EYS: variants seen among roughly 807,000 people sequenced by gnomAD.
The protein encoded by EYS is protein eyes shut homolog.
EYS carries 250 observed loss-of-function variants against 282.1 expected under a neutral mutation model. The observed-to-expected ratio is 0.89, with a 90% confidence interval of 0.80 to 0.98. The LOEUF (loss-of-function observed/expected upper bound fraction) is 0.98, where lower values mean the gene tolerates loss of function less well. Ranked by LOEUF, EYS falls within the 50% of genes least tolerant of loss-of-function variation. The probability of loss-of-function intolerance (pLI) is 0.00; values close to 1 mark genes in which losing one functional copy is unlikely to be tolerated. For missense variants in EYS, 4,016 were observed against 3,709.0 expected (o/e 1.08, Z -2.15); for synonymous variants, 1,355 against 1,282.9 (o/e 1.06, Z -1.20).
At chr6:65,435,764 G>A (rs895801186) in intron 5 of EYS, among the ~76,000 whole-genome samples, 3 of 151,924 alleles carry the variant, frequency 2.0e-5, no homozygotes, top group African/African-American at 7.2e-5. Context: ...TTTTTACATA[G>A]GGCCTTTAAT....
In EYS at chr6:64,341,039, C is replaced by T. The variant is rs976481753; in HGVS notation, c.6079-33957G>A. Among the ~76,000 whole-genome samples the T allele has an allele frequency of 3.3e-5, 5 of 151,404 alleles. No homozygotes were observed. The East Asian group carries it at 7.8e-4, about 24-fold the overall frequency. ...ATACCAGCTCACACCATTCAGAATG[C>T]CAATTATAAAAAATCGAAAACAACA... On this transcript the variant is annotated intron_variant, in intron 29 of 42. Coordinates refer to ENST00000503581, the MANE Select transcript of EYS (RefSeq NM_001142800.2).
intron 12 of EYS, among the ~76,000 whole-genome samples, chr6:65,176,510 T>C (rs1765228909): frequency 6.6e-6 from 1 of 151,632 alleles, no homozygotes; most frequent in African/African-American, 2.4e-5. Flanking sequence ...AAAAAAACTA[T>C]AACAATAGTA....
intron 2 of EYS, among the ~76,000 whole-genome samples, chr6:65,612,048 C>A (rs771371636): frequency 8.6e-5 from 13 of 151,700 alleles, no homozygotes; most frequent in Non-Finnish European, 1.8e-4. Context: ...TTAACAATTT[C>A]ACTAGCAAAG....
At chr6:65,111,187 G>A (rs1022319661) in intron 12 of EYS, among the ~76,000 whole-genome samples, 26 of 151,896 alleles carry the variant, frequency 1.7e-4, no homozygotes, top group African/African-American at 2.2e-4. Flanking sequence ...TGAGTTTGGC[G>A]TATATATTAT....
chr6:64,675,821 TC>T (rs1205541840), intron 22 of EYS, among the ~76,000 whole-genome samples: 1 of 151,900 alleles, frequency 6.6e-6, no homozygotes, highest in East Asian at 2.0e-4. Context: ...CACTATGGTC[TC>T]TTAGAAAGTT....
intron 35 of EYS, among the ~76,000 whole-genome samples, chr6:63,868,112 CTGCATG>C (rs1476268440): frequency 6.6e-6 from 1 of 152,088 alleles, no homozygotes; most frequent in Non-Finnish European, 1.5e-5. Flanking sequence ...ATACAGTCTA[CTGCATG>C]TGCATTATGT....
At chr6:65,133,828 C>G (rs1386506026) in intron 12 of EYS, among the ~76,000 whole-genome samples, 1 of 151,866 alleles carries the variant, frequency 6.6e-6, no homozygotes, top group Admixed American at 6.6e-5. Context: ...ACAGGGTAAA[C>G]AGACAACCTA....
chr6:64,378,259 C>T (rs1437299438), intron 29 of EYS, among the ~76,000 whole-genome samples: 1 of 152,108 alleles, frequency 6.6e-6, no homozygotes, highest in Non-Finnish European at 1.5e-5. Context: ...ACAAGTTACA[C>T]TGTCTTAAAT....
chr6:65,348,524 A>T (rs1170720239), intron 9 of EYS, among the ~76,000 whole-genome samples: 1 of 151,676 alleles, frequency 6.6e-6, no homozygotes, highest in Admixed American at 6.6e-5. Context: ...TCTTCTTTTG[A>T]GCCACATCTA....
intron 31 of EYS, among the ~76,000 whole-genome samples, chr6:64,180,607 CTGT>C (rs968005716): frequency 9.9e-5 from 15 of 152,002 alleles, no homozygotes; most frequent in African/African-American, 3.6e-4. Flanking sequence ...GCCCCAGGGT[CTGT>C]TGTTGCCATC....
rs561156283 is a variant in EYS at position 64,813,528 on chromosome 6, G to T, written c.3293C>A (p.Ala1098Glu). 1.0e-5 allele frequency: 16 copies of T among 1,550,276 alleles called. No individual in the cohort carries two copies. In the East Asian group the frequency reaches 3.4e-4, roughly 33 times the overall value. ...CMNEGFCQKS[A>E]HGFTCICPRG... is the part of the protein sequence containing the mutation. ...TGGGCAAATGCAAGTAAATCCATGT[G>T]CTGACTTCTGACAGAAGCCTTCATT... is the stretch of plus-strand genomic sequence containing the variant. Residue 1098 changes from alanine to glutamate, a missense_variant, in exon 22 of 43, where the codon GCA (alanine) becomes GAA (glutamate). By Grantham distance (107) the Ala-to-Glu change is moderately radical. Transcript: ENST00000503581.
chr6:64,445,851 CGG>C (rs1253586859), intron 26 of EYS, among the ~76,000 whole-genome samples: 4 of 152,020 alleles, frequency 2.6e-5, no homozygotes, highest in African/African-American at 7.2e-5. Flanking sequence ...GAGATGAGGA[CGG>C]GCTCAGCTCC....
intron 31 of EYS, among the ~76,000 whole-genome samples, chr6:64,188,391 A>G (rs555244743): frequency 2.6e-5 from 4 of 152,284 alleles, no homozygotes; most frequent in African/African-American, 9.6e-5. Flanking sequence ...TAGGGTTGCA[A>G]TATTTAGCAA....
chr6:64,203,851 A>G (rs1033847224), intron 31 of EYS, among the ~76,000 whole-genome samples: 1 of 152,214 alleles, frequency 6.6e-6, no homozygotes, highest in African/African-American at 2.4e-5. Context: ...CGAATGAACA[A>G]GTACTTTGAG....
At chr6:64,901,094 C>A (rs1309504190) in intron 18 of EYS, among the ~76,000 whole-genome samples, 7 of 151,708 alleles carry the variant, frequency 4.6e-5, no homozygotes, top group Non-Finnish European at 8.8e-5. Flanking sequence ...TTTGCAGGGA[C>A]ATGGATGAAG....
intron 2 of EYS, among the ~76,000 whole-genome samples, chr6:65,555,816 G>A (rs1183627477): frequency 3.3e-5 from 5 of 152,118 alleles, no homozygotes; most frequent in East Asian, 1.9e-4. Context: ...CAGGTGTGCT[G>A]TAAGTATAAA....
chr6:65,538,451 G>T (rs956943874), intron 2 of EYS, among the ~76,000 whole-genome samples: 4 of 152,102 alleles, frequency 2.6e-5, no homozygotes, highest in African/African-American at 4.8e-5. Context: ...CTTTGTACCA[G>T]ATCCTGTTGT....
chr6:64,929,495 C>T lies in EYS; in HGVS notation c.2381+16298G>A, dbSNP rs1046996250. 2.0e-5 allele frequency among the ~76,000 whole-genome samples: 3 copies of T among 152,220 alleles called. 1 individual carries two copies. On this transcript the variant is annotated intron_variant, in intron 15 of 42. Coordinates refer to ENST00000503581, the MANE Select transcript of EYS (RefSeq NM_001142800.2). ...AATAGCCTTACAACAAGATACTGTG[C>T]TTTCCCCTTTTCTTCCTTTGTGCTA...
intron 26 of EYS, among the ~76,000 whole-genome samples, chr6:64,465,627 C>G (rs1485208570): frequency 6.6e-6 from 1 of 151,816 alleles, no homozygotes; most frequent in Admixed American, 6.6e-5. Flanking sequence ...AATGTAAGAC[C>G]TGAAACTGTA....
Sources: gnomAD v4.1 joint callset for allele counts (sites outside exome capture counted in the v4.1 genomes callset) on GRCh38, gnomAD v4.1.1 for gene constraint, MANE v1.5 for transcripts, NCBI Gene and HGNC (gene_info 2026-07-23, HGNC 2026-07-21) for gene names.